The following ADAMTSL3 variants were observed in gnomAD, a reference collection of about 807,000 sequenced individuals.
ADAMTSL3 encodes ADAMTS-like protein 3.
A neutral mutation model predicts 201.7 loss-of-function variants in ADAMTSL3; 128 were observed. That is an observed-to-expected ratio of 0.63 (90% CI 0.55 to 0.73). The LOEUF (loss-of-function observed/expected upper bound fraction) is 0.73, where lower values mean the gene tolerates loss of function less well. ADAMTSL3 is among the 30% of genes least tolerant of loss of function. The probability of loss-of-function intolerance (pLI) is 0.00; values close to 1 mark genes in which losing one functional copy is unlikely to be tolerated. For missense variants in ADAMTSL3, 1,990 were observed against 2,119.6 expected (o/e 0.94, Z 1.20); for synonymous variants, 738 against 748.4 (o/e 0.99, Z 0.23).
chr15:83,894,015 A>G (rs74024597), intron 13 of ADAMTSL3, among the ~76,000 whole-genome samples: 4,360 of 152,196 alleles, frequency 0.029, 201 homozygotes, highest in African/African-American at 0.099. Context: ...ACTTGCTCCA[A>G]CCACCCAAAA....
At chr15:83,668,474 T>A (rs1469713121) in intron 2 of ADAMTSL3, among the ~76,000 whole-genome samples, 1 of 152,022 alleles carries the variant, frequency 6.6e-6, no homozygotes, top group Admixed American at 6.5e-5. Flanking sequence ...TATAAACAAT[T>A]TTTATGTAAA....
At chr15:83,799,328 C>G (rs1007575224) in intron 4 of ADAMTSL3, among the ~76,000 whole-genome samples, 7 of 151,930 alleles carry the variant, frequency 4.6e-5, no homozygotes, top group Non-Finnish European at 1.5e-5. Flanking sequence ...AGCTATTTTC[C>G]TCATATATTT....
intron 9 of ADAMTSL3, among the ~76,000 whole-genome samples, chr15:83,877,744 G>A (rs2065202944): frequency 1.3e-5 from 2 of 151,992 alleles, no homozygotes; most frequent in African/African-American, 4.8e-5. Flanking sequence ...ACATTTTTTA[G>A]TTCTTTTAAA....
chr15:83,776,339 T>C (rs1023039852), intron 4 of ADAMTSL3, among the ~76,000 whole-genome samples: 1 of 152,174 alleles, frequency 6.6e-6, no homozygotes, highest in Admixed American at 6.5e-5. Flanking sequence ...CTCCAGTGAA[T>C]TAAACTAACA....
chr15:83,988,524 T>G (rs1159574581), intron 21 of ADAMTSL3, among the ~76,000 whole-genome samples, 167 bp from the exon 22 acceptor site: 1 of 152,160 alleles, frequency 6.6e-6, no homozygotes, highest in African/African-American at 2.4e-5. Flanking sequence ...ACCCTCCTGG[T>G]CTATATAGTT....
chr15:83,745,642 C>T (rs999667106), intron 3 of ADAMTSL3, among the ~76,000 whole-genome samples: 1 of 152,178 alleles, frequency 6.6e-6, no homozygotes, highest in African/African-American at 2.4e-5. Context: ...GCAGTCCACC[C>T]CTGCCAGCAC....
At chr15:83,754,089 T>C (rs2062680371) in intron 3 of ADAMTSL3, among the ~76,000 whole-genome samples, 1 of 152,232 alleles carries the variant, frequency 6.6e-6, no homozygotes, top group African/African-American at 2.4e-5. Context: ...TAATTCTTTG[T>C]GGTGGGGACT....
intron 6 of ADAMTSL3, among the ~76,000 whole-genome samples, chr15:83,826,843 T>C (rs1465450449): frequency 6.6e-6 from 1 of 152,012 alleles, no homozygotes; most frequent in African/African-American, 2.4e-5. Flanking sequence ...CATGAACTCA[T>C]CCTTTTTTAT....
At chr15:83,821,879 C>G (rs1245440040) in intron 6 of ADAMTSL3, among the ~76,000 whole-genome samples, 1 of 148,544 alleles carries the variant, frequency 6.7e-6, no homozygotes, top group African/African-American at 2.5e-5. Context: ...GGGCTGACCC[C>G]CCCAACTCCC....
chr15:83,970,530 G>T lies in ADAMTSL3; in HGVS notation c.2537G>T (p.Cys846Phe). The change falls in exon 20 of 30, where the codon TGT (cysteine) becomes TTT (phenylalanine). Residue 846 changes from cysteine to phenylalanine, a missense_variant. Physicochemically the swap from Cys to Phe is radical, Grantham distance 205 (BLOSUM62 -2). Coordinates refer to ENST00000286744, the MANE Select transcript of ADAMTSL3 (RefSeq NM_207517.3). The part of the protein sequence containing the change: ...GVGIQRRKQV[C>F]QRLAAKGRRI... Reference sequence around the variant, plus strand: ...GGAATCCAGAGAAGAAAGCAGGTGTGTCAAAGGCTGGCAGCCAAAGGTCGG... The same window carrying T: ...GGAATCCAGAGAAGAAAGCAGGTGTTTCAAAGGCTGGCAGCCAAAGGTCGG... The T allele has an allele frequency of 6.2e-7, 1 of 1,614,220 alleles. No homozygotes were observed. The highest frequency in any genetic ancestry group is 8.5e-7 in the Non-Finnish European group (1 of 1,180,036).
intron 2 of ADAMTSL3, among the ~76,000 whole-genome samples, chr15:83,659,851 A>G (rs2061139128): frequency 6.6e-6 from 1 of 152,200 alleles, no homozygotes; most frequent in Non-Finnish European, 1.5e-5. Flanking sequence ...AACGCATGCC[A>G]GCAACCTCTA....
chr15:83,988,332 G>T (rs1271785328), intron 21 of ADAMTSL3, among the ~76,000 whole-genome samples: 1 of 152,196 alleles, frequency 6.6e-6, no homozygotes, highest in East Asian at 1.9e-4. Context: ...GGCAGAAAAG[G>T]AGTGTTTAAC....
chr15:83,865,329 A>G (rs1462780236), intron 8 of ADAMTSL3, among the ~76,000 whole-genome samples: 1 of 152,222 alleles, frequency 6.6e-6, no homozygotes, highest in Non-Finnish European at 1.5e-5. Flanking sequence ...AAAAGAACAA[A>G]GCTGGGGGCA....
chr15:83,942,562 C>T lies in ADAMTSL3; in HGVS notation c.2118-34C>T, dbSNP rs1224370322. ...GATGGTTGCACGTTGGTTTATTGGA[C>T]TGTTCAACTTTCCCCACTTGTTTTC... On this transcript the variant is annotated intron_variant, in intron 17 of 29. Coordinates refer to ENST00000286744, the MANE Select transcript of ADAMTSL3 (RefSeq NM_207517.3). The T allele has an allele frequency of 5.0e-6, 8 of 1,592,710 alleles. No individual in the cohort carries two copies. The South Asian group carries it at 7.8e-5, about 16-fold the overall frequency.
At chr15:84,014,154 C>G (rs2895953) in intron 23 of ADAMTSL3, among the ~76,000 whole-genome samples, 66,695 of 151,966 alleles carry the variant, frequency 0.44, 14,836 homozygotes, top group East Asian at 0.61. Flanking sequence ...TTGTGACAAC[C>G]TACCCCCTGG....
At chr15:83,895,865 A>T (rs999084557) in intron 13 of ADAMTSL3, among the ~76,000 whole-genome samples, 1 of 152,164 alleles carries the variant, frequency 6.6e-6, no homozygotes, top group Admixed American at 6.5e-5. Context: ...TGAACTCATT[A>T]AAGTATTTGT....
intron 3 of ADAMTSL3, among the ~76,000 whole-genome samples, chr15:83,744,070 T>C (rs2062503001): frequency 2.0e-5 from 3 of 152,168 alleles, no homozygotes; most frequent in African/African-American, 7.2e-5. Flanking sequence ...CAGGCTGGTC[T>C]CGATCTCCTG....
intron 19 of ADAMTSL3, among the ~76,000 whole-genome samples, chr15:83,958,238 A>G (rs944500782): frequency 6.6e-6 from 1 of 152,194 alleles, no homozygotes; most frequent in Non-Finnish European, 1.5e-5. Context: ...TCTGAGACCA[A>G]TCAGCCAAAT....
chr15:83,850,399 TATGTATATAC>T (rs1404752840), intron 7 of ADAMTSL3, among the ~76,000 whole-genome samples: 4 of 151,900 alleles, frequency 2.6e-5, no homozygotes, highest in Non-Finnish European at 4.4e-5. Context: ...TAAAAATGTC[TATGTATATAC>T]ATGTATATAC....
Sources: allele counts gnomAD v4.1 joint callset (sites outside exome capture counted in the v4.1 genomes callset), GRCh38; gene constraint gnomAD v4.1.1; transcripts MANE v1.5; gene names NCBI Gene and HGNC (gene_info 2026-07-23, HGNC 2026-07-21).